CPNE8: variants seen among roughly 807,000 people sequenced by gnomAD.
The protein encoded by CPNE8 is copine-8.
In CPNE8, 45 loss-of-function variants were observed where a neutral mutation model predicts 81.5. The ratio of observed to expected loss-of-function variants is 0.55; its 90% confidence interval spans 0.44 to 0.71. CPNE8 has a LOEUF of 0.71. CPNE8 is among the 30% of genes least tolerant of loss of function. The pLI, the probability that CPNE8 is intolerant of heterozygous loss-of-function variation, is 0.00. For missense variants in CPNE8, 594 were observed against 672.1 expected, an observed-to-expected ratio of 0.88 and a Z score of 1.28; for synonymous variants, 252 against 226.3, an observed-to-expected ratio of 1.11 and a Z score of -1.02.
At chr12:38,684,413 G>C (rs1306331580) in intron 16 of CPNE8, among the ~76,000 whole-genome samples, 1 of 151,946 alleles carries the variant, frequency 6.6e-6, no homozygotes, top group Non-Finnish European at 1.5e-5. Context: ...GTATGTACAG[G>C]GTTAATATAT....
At position 38,707,603 on chromosome 12, in the gene CPNE8, G is replaced by T. The variant is rs181642848; in HGVS notation, c.915-4682C>A. Among the ~76,000 whole-genome samples the T allele has an allele frequency of 1.1e-4, 17 of 152,238 alleles. No homozygotes were observed. The East Asian group carries it at 3.1e-3, about 28-fold the overall frequency. ...ACTAAATGATAAATAAGACCATTTG[G>T]TAATTATGGTGCAACAGAGACACTC... is the stretch of plus-strand genomic sequence containing the variant. On this transcript the variant is annotated intron_variant, in intron 13 of 19. Transcript: ENST00000331366.
intron 4 of CPNE8, among the ~76,000 whole-genome samples, chr12:38,843,580 C>G (rs538836266): frequency 2.8e-3 from 430 of 152,034 alleles, no homozygotes; most frequent in African/African-American, 9.3e-3. Flanking sequence ...GCTACGGGGC[C>G]CTGCTGCAAG....
intron 4 of CPNE8, among the ~76,000 whole-genome samples, chr12:38,848,229 G>A (rs1943587907): frequency 1.3e-5 from 2 of 152,156 alleles, no homozygotes; most frequent in South Asian, 2.1e-4. Context: ...CCAAACTTAA[G>A]ATCTGAGAGA....
chr12:38,861,945 T>C (rs1943842214), intron 3 of CPNE8, among the ~76,000 whole-genome samples: 1 of 152,164 alleles, frequency 6.6e-6, no homozygotes, highest in Non-Finnish European at 1.5e-5. Flanking sequence ...TCTGCTAATG[T>C]TGGTATAGTA....
At chr12:38,738,826 T>C (rs1018567121) in intron 10 of CPNE8, among the ~76,000 whole-genome samples, 1 of 150,754 alleles carries the variant, frequency 6.6e-6, no homozygotes, top group African/African-American at 2.4e-5. Flanking sequence ...TTTCTTTTTT[T>C]TTTTTGAGAC....
At chr12:38,755,691 C>A (rs1416543798) in intron 10 of CPNE8, among the ~76,000 whole-genome samples, 1 of 152,044 alleles carries the variant, frequency 6.6e-6, no homozygotes, top group Non-Finnish European at 1.5e-5. Flanking sequence ...ATTATTAATA[C>A]CAATGTCAAG....
chr12:38,657,038 G>A (rs1435066566), intron 19 of CPNE8, among the ~76,000 whole-genome samples: 1 of 152,204 alleles, frequency 6.6e-6, no homozygotes, highest in Non-Finnish European at 1.5e-5. Flanking sequence ...GACAGTGGGT[G>A]CAGCCCACAG....
intron 10 of CPNE8, among the ~76,000 whole-genome samples, chr12:38,758,759 C>T (rs190225694): frequency 1.1e-4 from 17 of 152,226 alleles, no homozygotes; most frequent in African/African-American, 4.1e-4. Flanking sequence ...AATAGGAATG[C>T]TCAAAATGCT....
chr12:38,679,977 G>T (rs1939374451), intron 16 of CPNE8, among the ~76,000 whole-genome samples: 1 of 151,748 alleles, frequency 6.6e-6, no homozygotes, highest in African/African-American at 2.4e-5. Context: ...CTTCTTAAAA[G>T]AACTTGATGG....
intron 13 of CPNE8, among the ~76,000 whole-genome samples, chr12:38,712,054 A>G (rs1269000344): frequency 6.6e-6 from 1 of 152,110 alleles, no homozygotes; most frequent in African/African-American, 2.4e-5. Flanking sequence ...TGGGTGCCAC[A>G]ACAAAAAGCA....
chr12:38,842,388 T>C (rs925190744), intron 4 of CPNE8, among the ~76,000 whole-genome samples: 1 of 152,066 alleles, frequency 6.6e-6, no homozygotes, highest in African/African-American at 2.4e-5. Flanking sequence ...AATGTTCAAT[T>C]AAGAAGTAAA....
Position 38,789,317 on chromosome 12 carries a change from T to C in CPNE8, c.408-13016A>G, listed in dbSNP as rs1350648387. Among the ~76,000 whole-genome samples the C allele has an allele frequency of 2.0e-5, 3 of 151,822 alleles. 1 individual carries two copies. Among genetic ancestry groups the C allele is most frequent in the Non-Finnish European group, 4.4e-5 (3 of 67,820 alleles). Reference sequence around the variant, plus strand: ...AACCTATACACCTCCAGTGAACTCATTTTCAACAGAGGTGCCAAAAACATA... The same window carrying C: ...AACCTATACACCTCCAGTGAACTCACTTTCAACAGAGGTGCCAAAAACATA... On this transcript the variant is annotated intron_variant, in intron 6 of 19. Coordinates refer to ENST00000331366, the MANE Select transcript of CPNE8 (RefSeq NM_153634.3).
Position 38,685,498 on chromosome 12 carries a change from A to G in CPNE8, c.1263T>C (p.His421=), listed in dbSNP as rs1164647389. The G allele has an allele frequency of 6.2e-7, 1 of 1,613,108 alleles. No homozygotes were observed. The highest frequency in any genetic ancestry group is 8.5e-7 in the Non-Finnish European group (1 of 1,179,402). Residue 421 remains histidine, a synonymous_variant, in exon 16 of 20, where the codon CAT becomes CAC. Transcript: ENST00000331366. ...GTCTACTCTCTACTTACCTTGCTAC[A>G]TGATTAATTACAGGAGCAAAGTTGG... ...GPTNFAPVIN[H]VARYASSVKD...
At chr12:38,779,436 G>T (rs1941999936) in intron 6 of CPNE8, among the ~76,000 whole-genome samples, 1 of 152,092 alleles carries the variant, frequency 6.6e-6, no homozygotes, top group African/African-American at 2.4e-5. Context: ...ATTGTAGCAT[G>T]AGTTATATAT....
At chr12:38,792,386 A>G (rs1172688811) in intron 6 of CPNE8, among the ~76,000 whole-genome samples, 5 of 151,506 alleles carry the variant, frequency 3.3e-5, no homozygotes, top group African/African-American at 7.2e-5. Flanking sequence ...ACAAAATCAG[A>G]TGAAAGAGGG....
chr12:38,823,542 C>A (rs1943140472), intron 6 of CPNE8, among the ~76,000 whole-genome samples: 1 of 152,180 alleles, frequency 6.6e-6, no homozygotes, highest in Non-Finnish European at 1.5e-5. Flanking sequence ...AAAACAGCTG[C>A]TGGTACCATT....
At chr12:38,892,514 T>A (rs75057452) in intron 1 of CPNE8, among the ~76,000 whole-genome samples, 1 of 152,122 alleles carries the variant, frequency 6.6e-6, no homozygotes, top group East Asian at 1.9e-4. Flanking sequence ...AATAAACAAG[T>A]CTTGGTGACT....
chr12:38,728,431 A>C (rs1232439072), intron 11 of CPNE8, among the ~76,000 whole-genome samples: 2 of 152,216 alleles, frequency 1.3e-5, no homozygotes, highest in Non-Finnish European at 2.9e-5. Flanking sequence ...CAACTTGTAA[A>C]GTACAACTGA....
chr12:38,768,739 T>G (rs826899), intron 7 of CPNE8, among the ~76,000 whole-genome samples: 1 of 151,854 alleles, frequency 6.6e-6, no homozygotes, highest in Middle Eastern at 3.2e-3. Flanking sequence ...GTGTTAGCCA[T>G]GATGGTCTCT....
Sources: gnomAD v4.1 joint callset for allele counts (sites outside exome capture counted in the v4.1 genomes callset) on GRCh38, gnomAD v4.1.1 for gene constraint, MANE v1.5 for transcripts, NCBI Gene and HGNC (gene_info 2026-07-23, HGNC 2026-07-21) for gene names.